TLE5: variants seen among roughly 807,000 people sequenced by gnomAD.
TLE5 encodes TLE family member 5.
A neutral mutation model predicts 25.8 loss-of-function variants in TLE5; 7 were observed. The observed-to-expected ratio is 0.27, with a 90% confidence interval of 0.15 to 0.51. The LOEUF (loss-of-function observed/expected upper bound fraction) is 0.51, where lower values mean the gene tolerates loss of function less well. Among genes scored for constraint, TLE5 ranks in the 20% least tolerant of loss-of-function variants. The probability of loss-of-function intolerance (pLI) is 0.97; values close to 1 mark genes in which losing one functional copy is unlikely to be tolerated. For synonymous variants in TLE5, 132 were observed against 110.5 expected (o/e 1.20, Z -1.22); for missense variants, 149 against 250.7 (o/e 0.59, Z 2.74).
At chr19:3,058,780 G>T (rs1490916634) in intron 2 of TLE5, among the ~76,000 whole-genome samples, 1 of 152,184 alleles carries the variant, frequency 6.6e-6, no homozygotes, top group Non-Finnish European at 1.5e-5. Context: ...TGATGGTGGT[G>T]GGGGAGGTGT....
chr19:3,061,470 C>T (rs1306987812), intron 1 of TLE5: 2 of 375,996 alleles, frequency 5.3e-6, no homozygotes, highest in African/African-American at 2.2e-5. Flanking sequence ...CCGGAGCCGC[C>T]CCGTCCCCCG....
In TLE5 at chr19:3,053,540, T is replaced by C. The variant is rs971119690; in HGVS notation, c.*279A>G. On this transcript the variant is annotated 3_prime_UTR_variant, in exon 7 of 7. Transcript: ENST00000327141. ...GGTCTTGCTCCCTTGGGACCTGGTCTCCCATCTGACCCTCCAGGCCTTAGC... is the reference window on the plus strand; with the variant it reads ...GGTCTTGCTCCCTTGGGACCTGGTCCCCCATCTGACCCTCCAGGCCTTAGC... 1.9e-6 allele frequency: 1 copy of C among 527,188 alleles called. No individual in the cohort carries two copies. Among genetic ancestry groups the C allele is most frequent in the Non-Finnish European group, 3.4e-6 (1 of 294,980 alleles). The allele number at this position is 527,188 out of a possible 1,614,324, so 32.7% of individuals were successfully genotyped here.
In TLE5 at chr19:3,057,637, C is replaced by G; in HGVS notation, c.189+42G>C. On this transcript the variant is annotated intron_variant, in intron 3 of 6. Transcript: ENST00000327141. ...GTGGAGGGGATGTGGAGGGCCCTGT[C>G]GCCCGCCCCCAACACTGGACCTGGG... 1.9e-6 allele frequency: 3 copies of G among 1,597,298 alleles called. No individual in the cohort carries two copies. In the South Asian group the frequency reaches 3.3e-5, roughly 18 times the overall value.
Position 3,053,035 on chromosome 19 carries a change from GT to G in TLE5, c.*783del, listed in dbSNP as rs1277814049. On this transcript the variant is annotated 3_prime_UTR_variant, in exon 7 of 7. Transcript: ENST00000327141. ...AAGCTGACTATATACAGACACAGGT[GT>G]GGGTGTTGCTTTTTTTTAAAAACAC... The G allele has an allele frequency of 6.6e-6, 1 of 151,250 alleles. No homozygotes were observed. Among genetic ancestry groups the G allele is most frequent in the African/African-American group, 2.4e-5 (1 of 41,118 alleles). The allele number at this position is 151,250 out of a possible 1,614,324, so 9.4% of individuals were successfully genotyped here.
intron 2 of TLE5, 118 bp downstream of exon 2, chr19:3,061,042 G>A (rs577603775): frequency 2.7e-6 from 2 of 736,552 alleles, no homozygotes; most frequent in Non-Finnish European, 4.8e-6. Context: ...AAGTGATTAG[G>A]TCAGAGTCTA....
rs1479316732 is a variant in TLE5 at position 3,052,961 on chromosome 19, C to A, written c.*858G>T. On this transcript the variant is annotated 3_prime_UTR_variant, in exon 7 of 7. Transcript: ENST00000327141. The stretch of plus-strand genomic sequence containing the variant: ...GGCACAGCTAAGCCCACCCTTGATA[C>A]AGCATTTTCCACTTCTCTCTGTAGA... 2.0e-5 allele frequency: 3 copies of A among 152,108 alleles called. No homozygotes were observed. The highest frequency in any genetic ancestry group is 4.4e-5 in the Non-Finnish European group (3 of 68,040). The allele number at this position is 152,108 out of a possible 1,614,324, so 9.4% of individuals were successfully genotyped here.
chr19:3,061,381 G>C, intron 1 of TLE5, 124 bp from the exon 2 acceptor site: 1 of 669,610 alleles, frequency 1.5e-6, no homozygotes, highest in Admixed American at 2.8e-5. Flanking sequence ...CTGGGCCCGT[G>C]TTTACGGCCC....
At position 3,059,208 on chromosome 19, in the gene TLE5, TAAAAAC is replaced by T. The variant is rs892172696; in HGVS notation, c.126-1472_126-1467del. ...TAAAATGTGCATTTGTTGCTACCAT[TAAAAAC>T]AAAAACAAAAACAAAAAAAAACCGG... On this transcript the variant is annotated intron_variant, in intron 2 of 6. Coordinates refer to ENST00000327141, the MANE Select transcript of TLE5 (RefSeq NM_001130.6). Among the ~76,000 whole-genome samples the T allele has an allele frequency of 1.3e-4, 20 of 152,114 alleles. No homozygotes were observed. The East Asian group carries it at 3.1e-3, about 24-fold the overall frequency.
intron 5 of TLE5, 197 bp downstream of exon 5, chr19:3,055,467 G>A (rs1011589426): frequency 9.8e-6 from 4 of 406,354 alleles, no homozygotes; most frequent in Non-Finnish European, 1.7e-5. Flanking sequence ...CCCCCCACAC[G>A]CCTGCACCCC....
chr19:3,058,785 A>G (rs1368757798), intron 2 of TLE5, among the ~76,000 whole-genome samples: 1 of 152,024 alleles, frequency 6.6e-6, no homozygotes, highest in Admixed American at 6.5e-5. Context: ...GTGGTGGGGG[A>G]GGTGTCCTTT....
In TLE5 at chr19:3,053,511, G is replaced by A. The variant is rs1053921523; in HGVS notation, c.*308C>T. The A allele has an allele frequency of 2.0e-5, 9 of 447,590 alleles. No individual in the cohort carries two copies. Among genetic ancestry groups the A allele is most frequent in the South Asian group, 6.3e-5 (2 of 31,504 alleles). The allele number at this position is 447,590 out of a possible 1,614,324, so 27.7% of individuals were successfully genotyped here. On this transcript the variant is annotated 3_prime_UTR_variant, in exon 7 of 7. Coordinates refer to ENST00000327141, the MANE Select transcript of TLE5 (RefSeq NM_001130.6). ...GGAAGGGCCGGGGCTGCTGCGCTTC[G>A]CGAGGTCTTGCTCCCTTGGGACCTG...
At chr19:3,062,814 C>T (rs2090284225), upstream of TLE5, 2 of 1,550,302 alleles carry the variant, frequency 1.3e-6, no homozygotes, top group South Asian at 2.4e-5. Flanking sequence ...CACGGACGTG[C>T]TCTGTGACCT....
At chr19:3,056,272 A>T in intron 4 of TLE5, 40 bp downstream of exon 4, 1 of 1,206,446 alleles carries the variant, frequency 8.3e-7, no homozygotes, top group Non-Finnish European at 1.1e-6. Flanking sequence ...GAGGAGGGGG[A>T]AGGAGGAGGA....
chr19:3,062,390 G>A lies in TLE5; in HGVS notation c.-190C>T, dbSNP rs2090279482. ...GCGCGCCCGGCCCCGGCGCGCCCCG[G>A]GCCCCGCTTCCTGCGCGCCCGGCGC... On this transcript the variant is annotated 5_prime_UTR_variant, in exon 1 of 7. Transcript: ENST00000327141. 1.1e-6 allele frequency: 1 copy of A among 919,386 alleles called. No individual in the cohort carries two copies. Among genetic ancestry groups the A allele is most frequent in the African/African-American group, 1.9e-5 (1 of 53,930 alleles). 57.0% of individuals were successfully genotyped at this position (919,386 alleles called of 1,614,324 possible). A position where few individuals can be genotyped will look rare whatever the true frequency, so the allele number is the denominator to read the frequency against.
Position 3,053,911 on chromosome 19 carries a change from C to T in TLE5, c.502G>A (p.Ala168Thr), listed in dbSNP as rs17828795. Reference protein sequence around the residue: ...SAGTGLLSLSALGSQAHLSKE... With the variant: ...SAGTGLLSLSTLGSQAHLSKE... ...GAGAGGTGGGCCTGGGAACCCAGCG[C>T]GGACAGCGAGAGGAGGCCGGTGCCT... Residue 168 changes from alanine (A) to threonine (T), a missense_variant, in exon 7 of 7, where the codon GCG becomes ACG. By Grantham distance (58) the Ala-to-Thr change is moderately conservative (BLOSUM62 0). Coordinates refer to ENST00000327141, the MANE Select transcript of TLE5 (RefSeq NM_001130.6). The T allele has an allele frequency of 6.8e-6, 11 of 1,612,960 alleles. No individual in the cohort carries two copies. The highest frequency in any genetic ancestry group is 3.3e-5 in the South Asian group (3 of 91,088).
At chr19:3,055,530 G>T in intron 5 of TLE5, 134 bp downstream of exon 5, 1 of 702,610 alleles carries the variant, frequency 1.4e-6, no homozygotes, top group East Asian at 3.0e-5. Flanking sequence ...CTGGTGTTCA[G>T]AGCCAGGGAG....
chr19:3,058,993 G>A (rs1416934252), intron 2 of TLE5, among the ~76,000 whole-genome samples: 1 of 152,104 alleles, frequency 6.6e-6, no homozygotes, highest in Non-Finnish European at 1.5e-5. Flanking sequence ...AACCTCGCAG[G>A]GTGGGGTGGA....
At chr19:3,056,272 AAGGAGGAGGAGGAGGAGG>A in intron 4 of TLE5, 22 bp downstream of exon 4, 1 of 1,206,440 alleles carries the variant, frequency 8.3e-7, no homozygotes, top group Non-Finnish European at 1.1e-6. Context: ...GAGGAGGGGG[AAGGAGGAGGAGGAGGAGG>A]AGGAGGAGGA....
intron 3 of TLE5, 60 bp from the exon 4 acceptor site, chr19:3,056,416 G>A (rs1267576644): frequency 7.6e-6 from 5 of 658,492 alleles, no homozygotes; most frequent in African/African-American, 3.9e-5. Context: ...GGGGGGACAC[G>A]GAGACAAAGA....
Sources: allele counts gnomAD v4.1 joint callset (sites outside exome capture counted in the v4.1 genomes callset), GRCh38; gene constraint gnomAD v4.1.1; transcripts MANE v1.5; gene names NCBI Gene and HGNC (gene_info 2026-07-23, HGNC 2026-07-21).